The following SEPTIN10 variants were observed in gnomAD, a reference collection of about 807,000 sequenced individuals.
The protein encoded by SEPTIN10 is septin 10, also known as septin-10.
Under a neutral mutation model 54.8 loss-of-function variants are expected in SEPTIN10, and 66 were observed. That is an observed-to-expected ratio of 1.21 (90% CI 0.99 to 1.48). The LOEUF (loss-of-function observed/expected upper bound fraction) is 1.48. Among genes scored for constraint, SEPTIN10 ranks in the 40% most tolerant of loss-of-function variants. SEPTIN10 has a pLI of 0.00. For synonymous variants in SEPTIN10, 161 were observed against 181.0 expected, an observed-to-expected ratio of 0.89 and a Z score of 0.89; for missense variants, 620 against 545.6, an observed-to-expected ratio of 1.14 and a Z score of -1.36.
At chr2:109,587,035 A>T (rs1002435486) in intron 2 of SEPTIN10, among the ~76,000 whole-genome samples, 1 of 152,230 alleles carries the variant, frequency 6.6e-6, no homozygotes, top group Non-Finnish European at 1.5e-5. Flanking sequence ...GTCAAGAAAG[A>T]AAGTCAACAG....
intron 9 of SEPTIN10, among the ~76,000 whole-genome samples, chr2:109,550,755 A>T (rs922111786): frequency 6.6e-6 from 1 of 152,146 alleles, no homozygotes; most frequent in Non-Finnish European, 1.5e-5. Flanking sequence ...TTCACTTAAA[A>T]ATTCCCTCAA....
chr2:109,591,142 A>G (rs925618286), intron 2 of SEPTIN10, among the ~76,000 whole-genome samples: 3 of 152,220 alleles, frequency 2.0e-5, no homozygotes, highest in Non-Finnish European at 4.4e-5. Context: ...TGTTATCTTC[A>G]TATTTTTTTA....
intron 7 of SEPTIN10, among the ~76,000 whole-genome samples, chr2:109,564,882 T>A (rs1339919043): frequency 6.6e-6 from 1 of 152,354 alleles, no homozygotes; most frequent in African/African-American, 2.4e-5. Flanking sequence ...CCTGAAGACA[T>A]TTCACATAAT....
intron 8 of SEPTIN10, among the ~76,000 whole-genome samples, chr2:109,559,259 T>C (rs1314354571): frequency 6.6e-6 from 1 of 152,192 alleles, no homozygotes; most frequent in Non-Finnish European, 1.5e-5. Context: ...ACAAAAGCCT[T>C]ATCAAATCAT....
chr2:109,598,086 G>A (rs1406823378), intron 1 of SEPTIN10, among the ~76,000 whole-genome samples: 2 of 152,036 alleles, frequency 1.3e-5, no homozygotes, highest in Non-Finnish European at 2.9e-5. Context: ...TTTTGAGATG[G>A]AGTCTTGCTC....
At chr2:109,599,269 C>T (rs555383893) in intron 1 of SEPTIN10, among the ~76,000 whole-genome samples, 27 of 152,096 alleles carry the variant, frequency 1.8e-4, no homozygotes, top group Non-Finnish European at 3.4e-4. Flanking sequence ...ACCAGCCTGG[C>T]CAACATGGTG....
intron 5 of SEPTIN10, among the ~76,000 whole-genome samples, chr2:109,570,086 T>C (rs1688008409): frequency 6.6e-6 from 1 of 152,174 alleles, no homozygotes; most frequent in South Asian, 2.1e-4. Flanking sequence ...TTTCAGCATA[T>C]CCTAGTTTTT....
At chr2:109,576,245 C>T (rs994250112) in intron 4 of SEPTIN10, among the ~76,000 whole-genome samples, 5 of 151,992 alleles carry the variant, frequency 3.3e-5, no homozygotes, top group Non-Finnish European at 4.4e-5. Flanking sequence ...TAGGTGACAA[C>T]GCAAGATTGT....
At chr2:109,551,973 A>G (rs1229114919) in intron 9 of SEPTIN10, among the ~76,000 whole-genome samples, 1 of 152,220 alleles carries the variant, frequency 6.6e-6, no homozygotes, top group Non-Finnish European at 1.5e-5. Flanking sequence ...GTACTGGTCC[A>G]TGGCCTGTTA....
intron 1 of SEPTIN10, among the ~76,000 whole-genome samples, chr2:109,604,340 A>G (rs1436172928): frequency 9.7e-6 from 1 of 103,572 alleles, no homozygotes; most frequent in African/African-American, 3.3e-5. Context: ...GGGACCCCAT[A>G]GAAAGAAAGA....
At chr2:109,545,925 T>C (rs1681094711) in intron 10 of SEPTIN10, 125 bp downstream of exon 10, 13 of 1,451,502 alleles carry the variant, frequency 9.0e-6, no homozygotes, top group Admixed American at 2.4e-5. Context: ...CTCCAGGAGC[T>C]GACATTTAGT....
chr2:109,572,486 T>C lies in SEPTIN10; in HGVS notation c.600+2095A>G, dbSNP rs994611458. ...GAATCCAAGTTTGTCCAGGGCCACA[T>C]AGCTGCTAAGTGGCGGGGCTGAAGC... On this transcript the variant is annotated intron_variant, in intron 5 of 10. Coordinates refer to ENST00000397712, the MANE Select transcript of SEPTIN10 (RefSeq NM_144710.5). 3.3e-5 allele frequency among the ~76,000 whole-genome samples: 5 copies of C among 152,070 alleles called. No individual in the cohort carries two copies. The South Asian group carries it at 8.3e-4, about 25-fold the overall frequency.
Position 109,574,698 on chromosome 2 carries a change from C to T in SEPTIN10, c.483G>A (p.Lys161=), listed in dbSNP as rs1448293673. ...EAYLQEELKI[K]RSLFTYHDSR... ...AATCATGGTAGGTAAAGAGAGAACGCTTAATCTTCAGTTCTTCTTGGAGAT... is the reference window on the plus strand; with the variant it reads ...AATCATGGTAGGTAAAGAGAGAACGTTTAATCTTCAGTTCTTCTTGGAGAT... Residue 161 remains lysine (K), a synonymous_variant, in exon 5 of 11, where the codon AAG becomes AAA. Coordinates refer to ENST00000397712, the MANE Select transcript of SEPTIN10 (RefSeq NM_144710.5). 7 of 1,608,146 alleles carry T rather than the reference C, an allele frequency of 4.4e-6. No homozygotes were observed. The Admixed American group carries it at 1.0e-4, about 23-fold the overall frequency.
chr2:109,555,594 C>T (rs1032097282), intron 8 of SEPTIN10, among the ~76,000 whole-genome samples: 1 of 152,182 alleles, frequency 6.6e-6, no homozygotes, highest in Non-Finnish European at 1.5e-5. Flanking sequence ...ACTGCGTCTG[C>T]CATCCAGAAG....
chr2:109,561,826 T>C (rs528259732), intron 8 of SEPTIN10, among the ~76,000 whole-genome samples: 2 of 152,254 alleles, frequency 1.3e-5, no homozygotes, highest in South Asian at 4.1e-4. Context: ...AAATAATTTA[T>C]CAGTGGGTCC....
At chr2:109,612,943 G>A (rs1293011305) in intron 1 of SEPTIN10, among the ~76,000 whole-genome samples, 2 of 152,210 alleles carry the variant, frequency 1.3e-5, no homozygotes, top group African/African-American at 4.8e-5. Context: ...TCATGTAGGA[G>A]GTTGCTTAGT....
At chr2:109,611,979 G>C in intron 1 of SEPTIN10, among the ~76,000 whole-genome samples, 1 of 152,092 alleles carries the variant, frequency 6.6e-6, no homozygotes, top group Admixed American at 6.6e-5. Flanking sequence ...GTATTCCTGG[G>C]CATCTATCCC....
intron 2 of SEPTIN10, among the ~76,000 whole-genome samples, chr2:109,588,771 G>A (rs911463993): frequency 5.3e-5 from 8 of 151,196 alleles, no homozygotes; most frequent in Non-Finnish European, 7.4e-5. Flanking sequence ...GATTACAGGC[G>A]TGAGCCACCA....
At chr2:109,572,272 T>G (rs556105434) in intron 5 of SEPTIN10, among the ~76,000 whole-genome samples, 1 of 152,076 alleles carries the variant, frequency 6.6e-6, no homozygotes, top group African/African-American at 2.4e-5. Context: ...CCGGGACTAC[T>G]GGCGCATGCC....
Sources: allele counts gnomAD v4.1 joint callset (sites outside exome capture counted in the v4.1 genomes callset), GRCh38; gene constraint gnomAD v4.1.1; transcripts MANE v1.5; gene names NCBI Gene and HGNC (gene_info 2026-07-23, HGNC 2026-07-21).